Variants in SLC29A3 observed in about 807,000 individuals in gnomAD.
SLC29A3 encodes equilibrative nucleoside transporter 3.
A neutral mutation model predicts 25.4 loss-of-function variants in SLC29A3; 18 were observed. The ratio of observed to expected loss-of-function variants is 0.71; its 90% CI spans 0.49 to 1.05. SLC29A3 has a LOEUF of 1.05. Ranked by LOEUF, SLC29A3 falls within the 50% of genes least tolerant of loss-of-function variation. The pLI, the probability that SLC29A3 is intolerant of heterozygous loss-of-function variation, is 0.00. For synonymous variants in SLC29A3, 258 were observed against 267.1 expected (o/e 0.97, Z 0.33); for missense variants, 586 against 609.0 (o/e 0.96, Z 0.40).
At chr10:71,353,817 T>G (rs1846825752) in intron 4 of SLC29A3, among the ~76,000 whole-genome samples, 1 of 152,104 alleles carries the variant, frequency 6.6e-6, no homozygotes, top group Non-Finnish European at 1.5e-5. Context: ...AACCCCTCAT[T>G]TGCATGTATT....
chr10:71,344,385 T>A, intron 3 of SLC29A3, 94 bp downstream of exon 3: 1 of 936,770 alleles, frequency 1.1e-6, no homozygotes, highest in Non-Finnish European at 1.7e-6. Flanking sequence ...TCTGCCTACT[T>A]AAGTGGTGGT....
chr10:71,324,407 A>G (rs1845920231), intron 2 of SLC29A3, among the ~76,000 whole-genome samples: 1 of 152,172 alleles, frequency 6.6e-6, no homozygotes, highest in South Asian at 2.1e-4. Context: ...GGGTTTTGGT[A>G]TATGGGGGGA....
At chr10:71,369,925 G>C (rs139059708) in intron 3 of SLC29A3, among the ~76,000 whole-genome samples, 1 of 152,192 alleles carries the variant, frequency 6.6e-6, no homozygotes, top group Non-Finnish European at 1.5e-5. Flanking sequence ...GGCACTTCCA[G>C]TTTACATGGT....
intron 5 of SLC29A3, among the ~76,000 whole-genome samples, chr10:71,358,506 T>G (rs1465132395): frequency 6.7e-6 from 1 of 150,314 alleles, no homozygotes; most frequent in Non-Finnish European, 1.5e-5. Context: ...GGCTCCAGGC[T>G]GACGTCCCCG....
At chr10:71,358,577 C>T (rs1846976007) in intron 5 of SLC29A3, among the ~76,000 whole-genome samples, 1 of 152,198 alleles carries the variant, frequency 6.6e-6, no homozygotes, top group African/African-American at 2.4e-5. Context: ...CCTGGCACCT[C>T]AGCGTTGTGC....
In SLC29A3 at chr10:71,360,567, G is replaced by T. The variant is rs7095417; in HGVS notation, c.774-1387G>T. Among the ~76,000 whole-genome samples the T allele has an allele frequency of 6.4e-3, 981 of 152,364 alleles. 11 individuals carry two copies. Among genetic ancestry groups the T allele is most frequent in the African/African-American group, 0.022 (932 of 41,580 alleles). On this transcript the variant is annotated intron_variant, in intron 5 of 5. Transcript: ENST00000373189. ...AACAGGGCAAGTTACTTCAGTTAGG[G>T]TGGGTAAATGGTGCTGGGCAGAGTT...
intron 2 of SLC29A3, among the ~76,000 whole-genome samples, chr10:71,338,611 G>A (rs1846314324): frequency 6.6e-6 from 1 of 152,090 alleles, no homozygotes; most frequent in South Asian, 2.1e-4. Context: ...TACAAAATTA[G>A]CTGCGTGTGG....
At chr10:71,331,198 G>A (rs1430523075) in intron 2 of SLC29A3, among the ~76,000 whole-genome samples, 2 of 152,284 alleles carry the variant, frequency 1.3e-5, no homozygotes, top group East Asian at 3.9e-4. Context: ...TGCAACAGTG[G>A]CAGTGCTGGT....
intron 4 of SLC29A3, among the ~76,000 whole-genome samples, chr10:71,378,308 T>C (rs1847277094): frequency 6.6e-6 from 1 of 152,194 alleles, no homozygotes; most frequent in Non-Finnish European, 1.5e-5. Flanking sequence ...GATGTCAAAC[T>C]ACCTTGCAAG....
intron 3 of SLC29A3, among the ~76,000 whole-genome samples, chr10:71,347,249 TATG>T (rs1334074859): frequency 6.6e-6 from 1 of 152,122 alleles, no homozygotes; most frequent in Non-Finnish European, 1.5e-5. Flanking sequence ...CATAAATACT[TATG>T]AGGAGGATTT....
At chr10:71,331,315 G>A (rs1589224664) in intron 2 of SLC29A3, among the ~76,000 whole-genome samples, 1 of 152,296 alleles carries the variant, frequency 6.6e-6, no homozygotes, top group Non-Finnish European at 1.5e-5. Flanking sequence ...GGGAGAGACA[G>A]AGGAGACAGC....
At chr10:71,361,874 G>A in intron 5 of SLC29A3, 80 bp from the exon 6 acceptor site, 1 of 1,563,820 alleles carries the variant, frequency 6.4e-7, no homozygotes, top group Admixed American at 1.7e-5. Context: ...GGAAGGTTCT[G>A]TTCTGAGTGC....
intron 2 of SLC29A3, among the ~76,000 whole-genome samples, chr10:71,340,078 A>T (rs925134880): frequency 1.3e-5 from 2 of 152,162 alleles, no homozygotes; most frequent in Non-Finnish European, 2.9e-5. Context: ...GCTGAGCACC[A>T]TGAGATTACT....
intron 2 of SLC29A3, among the ~76,000 whole-genome samples, chr10:71,328,479 GC>G (rs1324875751): frequency 1.3e-5 from 2 of 152,162 alleles, no homozygotes; most frequent in Non-Finnish European, 2.9e-5. Flanking sequence ...ATCTCATGCA[GC>G]GCTGCAGCAC....
rs1084004 is a variant in SLC29A3 at position 71,362,188 on chromosome 10, T to C, written c.1008T>C (p.Gly336=). 1,424,062 of 1,613,930 alleles carry C rather than the reference T, an allele frequency of 0.88. 633,326 individuals carry two copies. Among genetic ancestry groups the C allele is most frequent in the Middle Eastern group, 0.92 (5,565 of 6,062 alleles). The part of the protein sequence containing the change: ...ICTNIESLNK[G]SGSLWTTKFF... ...CCAACATCGAGTCCCTCAACAAGGG[T>C]TCGGGCTCACTGTGGACCACCAAGT... Residue 336 remains glycine (G), a synonymous_variant, in exon 6 of 6, where the codon GGT becomes GGC. Coordinates refer to ENST00000373189, the MANE Select transcript of SLC29A3 (RefSeq NM_018344.6).
intron 5 of SLC29A3, among the ~76,000 whole-genome samples, chr10:71,359,637 AT>A (rs1847004715): frequency 6.6e-6 from 1 of 152,164 alleles, no homozygotes; most frequent in African/African-American, 2.4e-5. Context: ...CATGGGTGTT[AT>A]CTGCAGGTCC....
exon 5 of SLC29A3, chr10:71,380,034 C>A (rs1847290706): frequency 6.6e-6 from 1 of 152,286 alleles, no homozygotes; most frequent in Non-Finnish European, 1.5e-5. Flanking sequence ...AGATCTGCAT[C>A]CGAGGGACAC....
chr10:71,328,685 T>C (rs547564206), intron 2 of SLC29A3, among the ~76,000 whole-genome samples: 4 of 152,304 alleles, frequency 2.6e-5, no homozygotes, highest in South Asian at 4.1e-4. Context: ...CAATCCATGA[T>C]AGTGATGCCA....
chr10:71,348,729 C>T (rs534661153), intron 3 of SLC29A3, among the ~76,000 whole-genome samples: 1 of 152,336 alleles, frequency 6.6e-6, no homozygotes, highest in African/African-American at 2.4e-5. Context: ...CTGTCCAGGC[C>T]AAAGCCCCTG....
Sources: gnomAD v4.1 joint callset for allele counts (sites outside exome capture counted in the v4.1 genomes callset) on GRCh38, gnomAD v4.1.1 for gene constraint, MANE v1.5 for transcripts, NCBI Gene and HGNC (gene_info 2026-07-23, HGNC 2026-07-21) for gene names.